COMMD10: variants seen among roughly 807,000 people sequenced by gnomAD.
COMMD10 encodes COMM domain-containing protein 10.
A neutral mutation model predicts 28.9 loss-of-function variants in COMMD10; 33 were observed. That is an observed-to-expected ratio of 1.14 (90% confidence interval 0.87 to 1.53). The LOEUF is 1.53. Ranked by LOEUF, COMMD10 falls within the 40% of genes most tolerant of loss-of-function variation. COMMD10 has a pLI of 0.00. For missense variants in COMMD10, 310 were observed against 233.4 expected, an observed-to-expected ratio of 1.33 and a Z score of -2.14; for synonymous variants, 110 against 81.7, an observed-to-expected ratio of 1.35 and a Z score of -1.87.
At chr5:116,207,847 T>A (rs141898016) in intron 5 of COMMD10, among the ~76,000 whole-genome samples, 1 of 152,290 alleles carries the variant, frequency 6.6e-6, no homozygotes, top group East Asian at 1.9e-4. Flanking sequence ...TGTATCACAC[T>A]CCCAACCTTT....
chr5:116,251,602 G>GAAA, intron 5 of COMMD10, among the ~76,000 whole-genome samples: 1 of 150,904 alleles, frequency 6.6e-6, no homozygotes, highest in Admixed American at 6.6e-5. Context: ...TTTCATCCAT[G>GAAA]TCCCTACAAA....
At chr5:116,100,673 C>T (rs1750630576) in intron 4 of COMMD10, among the ~76,000 whole-genome samples, 1 of 139,564 alleles carries the variant, frequency 7.2e-6, no homozygotes, top group Non-Finnish European at 1.5e-5. Context: ...ATGAGAGGGC[C>T]AATTGAAAAA....
At chr5:116,111,285 A>G (rs775545498) in intron 4 of COMMD10, among the ~76,000 whole-genome samples, 1 of 151,750 alleles carries the variant, frequency 6.6e-6, no homozygotes, top group Non-Finnish European at 1.5e-5. Context: ...GCTCTGATCC[A>G]TGTTACTTCT....
At chr5:116,172,567 TTCAGTCCTACAGA>T (rs1753370589) in intron 5 of COMMD10, among the ~76,000 whole-genome samples, 1 of 152,158 alleles carries the variant, frequency 6.6e-6, no homozygotes, top group African/African-American at 2.4e-5. Flanking sequence ...GTGTTTTTTC[TTCAGTCCTACAGA>T]GTTTTAGTCT....
chr5:116,112,058 C>G (rs1485540635), intron 4 of COMMD10, among the ~76,000 whole-genome samples: 1 of 152,100 alleles, frequency 6.6e-6, no homozygotes, highest in African/African-American at 2.4e-5. Context: ...CTGTCTCTTT[C>G]AAGTTTAGGA....
At chr5:116,244,657 T>A (rs950745145) in intron 5 of COMMD10, among the ~76,000 whole-genome samples, 45 of 83,286 alleles carry the variant, frequency 5.4e-4, no homozygotes, top group African/African-American at 1.2e-3. Flanking sequence ...AAAAAAAAAA[T>A]TACAAAAAAA....
intron 5 of COMMD10, among the ~76,000 whole-genome samples, chr5:116,159,545 G>T (rs1752848177): frequency 6.6e-6 from 1 of 152,182 alleles, no homozygotes; most frequent in African/African-American, 2.4e-5. Flanking sequence ...TAAGGTTCCT[G>T]CTCTGGACAA....
Position 116,265,736 on chromosome 5 carries a change from T to C in COMMD10, c.511-25781T>C, listed in dbSNP as rs995739210. ...AAGTAGGTGCTGTTGTTATGCCATATTACAAATGAAGCAGATGAGCCATAG... is the reference window on the plus strand; with the variant it reads ...AAGTAGGTGCTGTTGTTATGCCATACTACAAATGAAGCAGATGAGCCATAG... On this transcript the variant is annotated intron_variant, in intron 5 of 6. Coordinates refer to ENST00000274458, the MANE Select transcript of COMMD10 (RefSeq NM_016144.4). Among the ~76,000 whole-genome samples, 15 of 151,720 alleles carry C rather than the reference T, an allele frequency of 9.9e-5. 1 individual carries two copies. Among genetic ancestry groups the C allele is most frequent in the African/African-American group, 3.6e-4 (15 of 41,122 alleles).
At chr5:116,109,145 G>A (rs1029764023) in intron 4 of COMMD10, among the ~76,000 whole-genome samples, 2 of 152,154 alleles carry the variant, frequency 1.3e-5, no homozygotes, top group African/African-American at 4.8e-5. Context: ...CTTTTTGGCC[G>A]TCTTGCCAGC....
intron 5 of COMMD10, among the ~76,000 whole-genome samples, chr5:116,146,720 C>A (rs1580487772): frequency 6.6e-6 from 1 of 151,778 alleles, no homozygotes; most frequent in African/African-American, 2.4e-5. Flanking sequence ...CAGATTTTTT[C>A]TTTCCTTTAT....
intron 5 of COMMD10, among the ~76,000 whole-genome samples, chr5:116,249,579 C>G (rs1310645584): frequency 1.3e-5 from 2 of 151,824 alleles, no homozygotes; most frequent in Non-Finnish European, 2.9e-5. Flanking sequence ...GGTAAATTCC[C>G]TCATATTCAC....
At chr5:116,263,384 GA>G (rs1334808958) in intron 5 of COMMD10, among the ~76,000 whole-genome samples, 1 of 151,520 alleles carries the variant, frequency 6.6e-6, no homozygotes, top group African/African-American at 2.4e-5. Context: ...ACGAGACAAG[GA>G]AAAAATATTT....
At position 116,216,559 on chromosome 5, in the gene COMMD10, G is replaced by A. The variant is rs541330335; in HGVS notation, c.511-74958G>A. On this transcript the variant is annotated intron_variant, in intron 5 of 6. Transcript: ENST00000274458. The stretch of plus-strand genomic sequence containing the variant: ...TTGTTGTTTGTTTGTTTGAGACGGA[G>A]TCTTGCTCTGTCACCAGGCTGGAGT... Among the ~76,000 whole-genome samples, 4 of 152,260 alleles carry A rather than the reference G, an allele frequency of 2.6e-5. No homozygotes were observed. In the East Asian group the frequency reaches 7.7e-4, roughly 29 times the overall value.
intron 2 of COMMD10, among the ~76,000 whole-genome samples, chr5:116,089,680 G>C (rs745633022): frequency 6.6e-6 from 1 of 152,240 alleles, no homozygotes. Flanking sequence ...TGCCATCAGA[G>C]GTAGGGGAGT....
intron 5 of COMMD10, among the ~76,000 whole-genome samples, chr5:116,161,674 T>G (rs1752922802): frequency 6.6e-6 from 1 of 152,202 alleles, no homozygotes; most frequent in South Asian, 2.1e-4. Context: ...AATATATTAT[T>G]TCTTCATAAA....
chr5:116,203,583 A>G (rs1748730375), intron 5 of COMMD10, among the ~76,000 whole-genome samples: 1 of 152,310 alleles, frequency 6.6e-6, no homozygotes, highest in African/African-American at 2.4e-5. Flanking sequence ...GGGGGCCAAT[A>G]TTCAACATTC....
rs1299921119 is a variant in COMMD10, at chr5:116,188,194, C to T, written c.510+54016C>T. ...GGAGAGGAAAATAACTTGTCTGTGA[C>T]CTGTCATGATCAACTCCTAAGGGAC... On this transcript the variant is annotated intron_variant, in intron 5 of 6. Transcript: ENST00000274458. Among the ~76,000 whole-genome samples the T allele has an allele frequency of 2.0e-5, 3 of 152,104 alleles. No individual in the cohort carries two copies. The East Asian group carries it at 5.8e-4, about 29-fold the overall frequency.
At position 116,269,268 on chromosome 5, in the gene COMMD10, A is replaced by C. The variant is rs562506932; in HGVS notation, c.511-22249A>C. Among the ~76,000 whole-genome samples, 848 of 151,904 alleles carry C rather than the reference A, an allele frequency of 5.6e-3. 9 individuals carry two copies. The highest frequency in any genetic ancestry group is 6.8e-3 in the Middle Eastern group (2 of 292). On this transcript the variant is annotated intron_variant, in intron 5 of 6. Transcript: ENST00000274458. ...AGTACTGAAATAGTGTTTTATGATC[A>C]TAGTATTTCTAGAGGAAAGATTTTC... is the stretch of plus-strand genomic sequence containing the variant.
rs1056525917 is a variant in COMMD10 at position 116,274,429 on chromosome 5, A to G, written c.511-17088A>G. The stretch of plus-strand genomic sequence containing the variant: ...AAAGAATGAGTGTGGCTGTGTTCCA[A>G]TAAACCTTTATTTACAAAAACTGAA... On this transcript the variant is annotated intron_variant, in intron 5 of 6. Coordinates refer to ENST00000274458, the MANE Select transcript of COMMD10 (RefSeq NM_016144.4). 4.0e-5 allele frequency among the ~76,000 whole-genome samples: 6 copies of G among 151,836 alleles called. 1 individual carries two copies. Among genetic ancestry groups the G allele is most frequent in the African/African-American group, 1.5e-4 (6 of 41,160 alleles).
Sources: gnomAD v4.1 joint callset for allele counts (sites outside exome capture counted in the v4.1 genomes callset) on GRCh38, gnomAD v4.1.1 for gene constraint, MANE v1.5 for transcripts, NCBI Gene and HGNC (gene_info 2026-07-23, HGNC 2026-07-21) for gene names.